Variants in RNF38 observed in about 807,000 individuals in gnomAD.
RNF38 encodes the protein ring finger protein 38.
In RNF38, 15 loss-of-function variants were observed where a neutral mutation model predicts 67.2. The ratio of observed to expected loss-of-function variants is 0.22; its 90% CI spans 0.15 to 0.34. RNF38 has a LOEUF of 0.34. RNF38 is among the 10% of genes least tolerant of loss of function. RNF38 has a pLI of 1.00. For synonymous variants in RNF38, 220 were observed against 218.8 expected (o/e 1.01, Z -0.05); for missense variants, 524 against 639.9 (o/e 0.82, Z 1.95).
intron 11 of RNF38, among the ~76,000 whole-genome samples, chr9:36,341,577 CTTTT>C (rs530668336): frequency 6.7e-6 from 1 of 149,282 alleles, no homozygotes; most frequent in African/African-American, 2.5e-5. Context: ...CTTTTGTAAA[CTTTT>C]TTTTTTAAAC....
intron 3 of RNF38, among the ~76,000 whole-genome samples, chr9:36,374,637 G>A (rs943966480): frequency 6.6e-6 from 1 of 152,098 alleles, no homozygotes; most frequent in Admixed American, 6.5e-5. Flanking sequence ...CTACAGGTGC[G>A]CACCACCACA....
At chr9:36,353,362 GTA>G (rs558042917) in intron 6 of RNF38, 31 bp from the exon 7 acceptor site, 4,850 of 1,277,740 alleles carry the variant, frequency 3.8e-3, no homozygotes, top group Middle Eastern at 4.3e-3. Context: ...ACACATATAT[GTA>G]TATATATATA....
intron 2 of RNF38, among the ~76,000 whole-genome samples, chr9:36,382,756 TAATC>T (rs963594430): frequency 1.7e-4 from 26 of 152,344 alleles, no homozygotes; most frequent in African/African-American, 2.4e-4. Context: ...GTCCTCTTTC[TAATC>T]AGTCAGGACT....
chr9:36,359,187 T>C (rs555715495), intron 4 of RNF38, among the ~76,000 whole-genome samples: 205 of 152,218 alleles, frequency 1.3e-3, no homozygotes, highest in Non-Finnish European at 2.4e-3. Flanking sequence ...TATGAATCTA[T>C]TGCTTGTTGT....
chr9:36,337,561 G>C lies in RNF38; in HGVS notation c.*2191C>G, dbSNP rs562257684. 1 of 152,746 alleles carries C rather than the reference G, an allele frequency of 6.5e-6. No individual in the cohort carries two copies. Among genetic ancestry groups the C allele is most frequent in the Admixed American group, 6.5e-5 (1 of 15,304 alleles). The allele number at this position is 152,746 out of a possible 1,614,324, so 9.5% of individuals were successfully genotyped here. On this transcript the variant is annotated 3_prime_UTR_variant, in exon 12 of 12. Transcript: ENST00000259605. The stretch of plus-strand genomic sequence containing the variant: ...TGCATGCTTCAATAAAATGAATACT[G>C]AGTGTCGTAGTGTTAGATCTGTACA...
intron 1 of RNF38, among the ~76,000 whole-genome samples, chr9:36,467,008 G>A (rs186759178): frequency 9.4e-4 from 137 of 145,340 alleles, no homozygotes; most frequent in South Asian, 7.9e-3. Context: ...GCGAAACCCC[G>A]TCTCTACTAA....
chr9:36,444,919 C>CTT (rs34369319), intron 1 of RNF38, among the ~76,000 whole-genome samples: 3,429 of 133,380 alleles, frequency 0.026, 137 homozygotes, highest in South Asian at 0.081. Context: ...GAGCCATTCT[C>CTT]TTTTTTTTTT....
chr9:36,380,521 C>A (rs1363216339), intron 2 of RNF38, among the ~76,000 whole-genome samples: 1 of 150,220 alleles, frequency 6.7e-6, no homozygotes, highest in Admixed American at 6.6e-5. Context: ...TAAAGACAGT[C>A]TCACTCTGTC....
intron 1 of RNF38, among the ~76,000 whole-genome samples, chr9:36,459,222 GA>G (rs1839667015): frequency 6.8e-6 from 1 of 148,036 alleles, no homozygotes; most frequent in African/African-American, 2.5e-5. Flanking sequence ...AAAAAAAAAA[GA>G]AAGATAAAGA....
chr9:36,427,699 CTAT>C (rs765607714), intron 1 of RNF38, among the ~76,000 whole-genome samples: 106 of 141,944 alleles, frequency 7.5e-4, no homozygotes, highest in African/African-American at 1.4e-3. Flanking sequence ...ATCTATCTAT[CTAT>C]CTACCTACCT....
chr9:36,346,117 G>A (rs982880974), intron 9 of RNF38, among the ~76,000 whole-genome samples: 1 of 152,108 alleles, frequency 6.6e-6, no homozygotes, highest in African/African-American at 2.4e-5. Flanking sequence ...AGGTAGAATA[G>A]GATAAATGAG....
chr9:36,376,249 AT>A (rs1835777889), intron 2 of RNF38, 122 bp from the exon 3 acceptor site: 10 of 678,388 alleles, frequency 1.5e-5, no homozygotes, highest in Non-Finnish European at 2.3e-5. Flanking sequence ...GGGGAAAAAA[AT>A]ATATGCTATC....
At position 36,363,837 on chromosome 9, in the gene RNF38, CAT is replaced by C. The variant is rs1381367414; in HGVS notation, c.570+5880_570+5881del. 2.1e-5 allele frequency among the ~76,000 whole-genome samples: 2 copies of C among 96,114 alleles called. 1 individual carries two copies. The highest frequency in any genetic ancestry group is 6.2e-5 in the African/African-American group (2 of 32,034). The allele number at this position is 96,114 out of a possible 152,430, so 63.1% of individuals were successfully genotyped here. On this transcript the variant is annotated intron_variant, in intron 4 of 11. Transcript: ENST00000259605. ...GGAAGTACAGTTAGCCCTTGAACAACATGAGTTTGAACTGCATGGGTCTACTT... is the reference window on the plus strand; with the variant it reads ...GGAAGTACAGTTAGCCCTTGAACAACGAGTTTGAACTGCATGGGTCTACTT...
At chr9:36,384,385 A>G (rs1723119091) in intron 2 of RNF38, among the ~76,000 whole-genome samples, 1 of 152,202 alleles carries the variant, frequency 6.6e-6, no homozygotes, top group African/African-American at 2.4e-5. Context: ...GTTGATATAC[A>G]GATCATCATT....
rs1737589037 is a variant in RNF38 at position 36,387,025 on chromosome 9, A to C, written c.162+3442T>G. Among the ~76,000 whole-genome samples, 3 of 151,862 alleles carry C rather than the reference A, an allele frequency of 2.0e-5. No homozygotes were observed. The South Asian group carries it at 6.3e-4, about 32-fold the overall frequency. On this transcript the variant is annotated intron_variant, in intron 2 of 11. Transcript: ENST00000259605. ...CCCATGTTGGCCAGGCTGATCTCGA[A>C]CTCCTGACCTCAAGTGATCCACCTG...
intron 1 of RNF38, among the ~76,000 whole-genome samples, chr9:36,457,568 G>A (rs1839623124): frequency 6.6e-6 from 1 of 152,152 alleles, no homozygotes; most frequent in Non-Finnish European, 1.5e-5. Context: ...TACGGTTGAA[G>A]ATAATCTTTA....
At chr9:36,454,580 C>CTTTTTTT (rs377679133) in intron 1 of RNF38, among the ~76,000 whole-genome samples, 2 of 112,466 alleles carry the variant, frequency 1.8e-5, no homozygotes, top group Non-Finnish European at 3.5e-5. Flanking sequence ...CATTAATTTA[C>CTTTTTTT]TTTTTTTTTT....
At chr9:36,448,656 G>A (rs1279001233) in intron 1 of RNF38, among the ~76,000 whole-genome samples, 1 of 152,074 alleles carries the variant, frequency 6.6e-6, no homozygotes, top group Non-Finnish European at 1.5e-5. Flanking sequence ...AAGTTCTTCA[G>A]AAATTGCCTG....
intron 11 of RNF38, among the ~76,000 whole-genome samples, chr9:36,340,690 G>C (rs148634045): frequency 6.6e-6 from 1 of 152,304 alleles, no homozygotes; most frequent in African/African-American, 2.4e-5. Context: ...ATTCTTAATG[G>C]AATGAAGTCA....
Sources: allele counts gnomAD v4.1 joint callset (sites outside exome capture counted in the v4.1 genomes callset), GRCh38; gene constraint gnomAD v4.1.1; transcripts MANE v1.5; gene names NCBI Gene and HGNC (gene_info 2026-07-23, HGNC 2026-07-21).